The following CUL2 variants were observed in gnomAD, a reference collection of about 807,000 sequenced individuals.
CUL2 encodes the protein cullin 2, also known as cullin-2.
A neutral mutation model predicts 110.2 loss-of-function variants in CUL2; 22 were observed. That is an observed-to-expected ratio of 0.20 (90% CI 0.14 to 0.28). CUL2 has a LOEUF of 0.28. Among genes scored for constraint, CUL2 ranks in the 10% least tolerant of loss-of-function variants. The pLI is 1.00. For synonymous variants in CUL2, 279 were observed against 293.2 expected (o/e 0.95, Z 0.49); for missense variants, 631 against 905.5 (o/e 0.70, Z 3.89).
intron 11 of CUL2, 94 bp downstream of exon 11, chr10:35,033,072 T>C (rs1295481891): frequency 1.7e-6 from 1 of 581,804 alleles, no homozygotes; most frequent in African/African-American, 1.9e-5. Context: ...CATGTCTACA[T>C]CAGAAACCTC....
chr10:35,073,570 ATTTTC>A (rs1401931695), intron 1 of CUL2, among the ~76,000 whole-genome samples: 24 of 138,582 alleles, frequency 1.7e-4, no homozygotes, highest in East Asian at 4.2e-4. Flanking sequence ...TGTTGTCCCC[ATTTTC>A]TTTTCTTTTC....
chr10:35,018,139 T>C (rs1454450966), intron 17 of CUL2, among the ~76,000 whole-genome samples: 2 of 121,546 alleles, frequency 1.6e-5, no homozygotes, highest in East Asian at 5.3e-4. Context: ...AAAAAAAAAC[T>C]AGCAGGGCGC....
chr10:35,092,936 G>A (rs2087235540), upstream of CUL2, among the ~76,000 whole-genome samples: 1 of 152,052 alleles, frequency 6.6e-6, no homozygotes, highest in African/African-American at 2.4e-5. Context: ...TGTGGCCAGA[G>A]GTCACAAGAT....
chr10:35,113,138 G>A (rs1426699051), intron 1 of CUL2, among the ~76,000 whole-genome samples: 2 of 130,706 alleles, frequency 1.5e-5, no homozygotes, highest in Non-Finnish European at 3.1e-5. Flanking sequence ...AGCTGAGACC[G>A]AGCCACTGCA....
chr10:35,059,590 G>A (rs139669034), intron 4 of CUL2, among the ~76,000 whole-genome samples: 64 of 152,318 alleles, frequency 4.2e-4, no homozygotes, highest in African/African-American at 1.5e-3. Flanking sequence ...CAACTTGTGT[G>A]ACTTGTCTTA....
At position 35,044,553 on chromosome 10, in the gene CUL2, T is replaced by C; in HGVS notation, c.714+13A>G. ...AAAATAGATAAATGTATTCGATATGTTTTATTTCTTACCTTTTCCATATAC... is the reference window on the plus strand; with the variant it reads ...AAAATAGATAAATGTATTCGATATGCTTTATTTCTTACCTTTTCCATATAC... On this transcript the variant is annotated intron_variant, in intron 8 of 20. Transcript: ENST00000374749. 6.6e-7 allele frequency: 1 copy of C among 1,513,156 alleles called. No individual in the cohort carries two copies. The highest frequency in any genetic ancestry group is 9.1e-7 in the Non-Finnish European group (1 of 1,104,590). The allele number at this position is 1,513,156 out of a possible 1,614,324, so 93.7% of individuals were successfully genotyped here.
chr10:35,014,810 GTGGCACAGCAAGATCTCAT>G (rs965420617), intron 18 of CUL2, among the ~76,000 whole-genome samples: 44 of 152,112 alleles, frequency 2.9e-4, no homozygotes, highest in Admixed American at 1.3e-4. Flanking sequence ...TCCAACCTGG[GTGGCACAGCAAGATCTCAT>G]CTCAAAAATA....
intron 2 of CUL2, among the ~76,000 whole-genome samples, chr10:35,100,487 C>T (rs908257665): frequency 1.3e-5 from 2 of 151,952 alleles, no homozygotes; most frequent in Admixed American, 6.6e-5. Context: ...CCAGGCCAGG[C>T]GTGGTGGCTC....
chr10:35,126,686 G>C (rs944053714), upstream of CUL2: 1 of 152,884 alleles, frequency 6.5e-6, no homozygotes, highest in Non-Finnish European at 1.5e-5. Context: ...GGCGCGGCAC[G>C]GGCAGCTTCC....
Position 35,088,499 on chromosome 10 carries a change from CAAAAAAA to C in CUL2, c.-23+1673_-23+1679del, listed in dbSNP as rs9299718. Among the ~76,000 whole-genome samples, 16 of 88,566 alleles carry C rather than the reference CAAAAAAA, an allele frequency of 1.8e-4. No individual in the cohort carries two copies. The South Asian group carries it at 3.1e-3, about 17-fold the overall frequency. 58.1% of individuals were successfully genotyped at this position (88,566 alleles called of 152,430 possible). ...CTGGTGACAGAGCGAGACTCCGCCT[CAAAAAAA>C]AAAAAAAAAAAAAAAGAAATGTAAT... is the stretch of plus-strand genomic sequence containing the variant. On this transcript the variant is annotated intron_variant, in intron 1 of 20. Coordinates refer to ENST00000374749, the MANE Select transcript of CUL2 (RefSeq NM_003591.4).
rs1338321829 is a variant in CUL2 at position 35,009,450 on chromosome 10, G to A, written c.*861C>T. 1 of 151,920 alleles carries A rather than the reference G, an allele frequency of 6.6e-6. No individual in the cohort carries two copies. Among genetic ancestry groups the A allele is most frequent in the Non-Finnish European group, 1.5e-5 (1 of 67,986 alleles). The allele number at this position is 151,920 out of a possible 1,614,324, so 9.4% of individuals were successfully genotyped here. A position where few individuals can be genotyped will look rare whatever the true frequency, so the allele number is the denominator to read the frequency against. ...CCTAAGACTCAGGGAAGGCCACAGA[G>A]CTAGGGTACTAGTCTATGCTAGAAT... On this transcript the variant is annotated 3_prime_UTR_variant, in exon 21 of 21. Transcript: ENST00000374749.
intron 1 of CUL2, among the ~76,000 whole-genome samples, chr10:35,079,874 C>A: frequency 6.6e-6 from 1 of 152,150 alleles, no homozygotes; most frequent in East Asian, 1.9e-4. Context: ...TACTGCAAAA[C>A]TGCAACAGTC....
chr10:35,040,146 T>G (rs2085745253), intron 8 of CUL2, among the ~76,000 whole-genome samples: 1 of 152,078 alleles, frequency 6.6e-6, no homozygotes, highest in Non-Finnish European at 1.5e-5. Context: ...AGAGCGAGGC[T>G]CTGTCTCAAA....
At chr10:35,097,804 C>T (rs978502055) in intron 2 of CUL2, among the ~76,000 whole-genome samples, 3 of 151,730 alleles carry the variant, frequency 2.0e-5, no homozygotes, top group African/African-American at 7.3e-5. Context: ...ACCAAAAATA[C>T]AAAAATTAGC....
intron 19 of CUL2, 93 bp downstream of exon 19, chr10:35,013,606 G>A: frequency 1.3e-6 from 1 of 769,186 alleles, no homozygotes; most frequent in Non-Finnish European, 2.0e-6. Context: ...ATTTTGCTGT[G>A]CAAAGTTTTG....
chr10:35,108,679 G>T (rs1366757554), intron 1 of CUL2, among the ~76,000 whole-genome samples: 4 of 152,134 alleles, frequency 2.6e-5, no homozygotes, highest in Admixed American at 2.6e-4. Context: ...TAGCTGAATA[G>T]TTCTTTTTCA....
At chr10:35,042,001 T>C (rs549374366) in intron 8 of CUL2, among the ~76,000 whole-genome samples, 2 of 152,230 alleles carry the variant, frequency 1.3e-5, no homozygotes, top group East Asian at 1.9e-4. Context: ...TGTTTTTAAA[T>C]TGTGGTAAAA....
chr10:35,117,029 C>A (rs899271322), intron 1 of CUL2, among the ~76,000 whole-genome samples: 5 of 151,680 alleles, frequency 3.3e-5, no homozygotes, highest in Non-Finnish European at 5.9e-5. Flanking sequence ...AGAGACATTT[C>A]TTCCACCCTT....
At chr10:35,050,739 C>T (rs1286928222) in intron 5 of CUL2, among the ~76,000 whole-genome samples, 1 of 152,202 alleles carries the variant, frequency 6.6e-6, no homozygotes, top group Non-Finnish European at 1.5e-5. Flanking sequence ...CTGATGACTG[C>T]TGATGTGTCT....
Sources: allele counts gnomAD v4.1 joint callset (sites outside exome capture counted in the v4.1 genomes callset), GRCh38; gene constraint gnomAD v4.1.1; transcripts MANE v1.5; gene names NCBI Gene and HGNC (gene_info 2026-07-23, HGNC 2026-07-21).